Variants in QRSL1 observed in about 807,000 individuals in gnomAD.
QRSL1 encodes glutaminyl-tRNA amidotransferase subunit QRSL1.
QRSL1 carries 54 observed loss-of-function variants against 61.6 expected under a neutral mutation model. The observed-to-expected ratio is 0.88, with a 90% CI of 0.70 to 1.10. The LOEUF is 1.10. Among genes scored for constraint, QRSL1 ranks in the 50% least tolerant of loss-of-function variants. The probability of loss-of-function intolerance (pLI) is 0.00; values close to 1 mark genes in which losing one functional copy is unlikely to be tolerated. For missense variants in QRSL1, 505 were observed against 622.6 expected (o/e 0.81, Z 2.01); for synonymous variants, 228 against 225.7 (o/e 1.01, Z -0.09).
At chr6:106,653,246 T>A (rs984435724) in intron 7 of QRSL1, 1 of 154,456 alleles carries the variant, frequency 6.5e-6, no homozygotes, top group African/African-American at 2.4e-5. Context: ...GAAGATAAGT[T>A]ACCCTGCAGA....
intron 4 of QRSL1, among the ~76,000 whole-genome samples, chr6:106,646,490 C>G (rs961307330): frequency 6.6e-6 from 1 of 151,956 alleles, no homozygotes; most frequent in Non-Finnish European, 1.5e-5. Flanking sequence ...AACCTAACAT[C>G]ATAAAACTCA....
Position 106,668,354 on chromosome 6 carries a change from A to G in QRSL1, c.*2352A>G, listed in dbSNP as rs1192821583. On this transcript the variant is annotated 3_prime_UTR_variant, in exon 11 of 11. Transcript: ENST00000369046. ...TCATTTTGCCAAGTCACTGTCTGGG[A>G]ATTTAAGTGGCAAATACTTTCTTTG... 6.6e-6 allele frequency: 1 copy of G among 151,832 alleles called. No individual in the cohort carries two copies. The highest frequency in any genetic ancestry group is 1.5e-5 in the Non-Finnish European group (1 of 67,986). The allele number at this position is 151,832 out of a possible 1,614,324, so 9.4% of individuals were successfully genotyped here.
chr6:106,644,499 TTTTG>T (rs146221165), intron 4 of QRSL1, among the ~76,000 whole-genome samples: 14,963 of 152,076 alleles, frequency 0.098, 1,009 homozygotes, highest in African/African-American at 0.19. Context: ...AAGAAATCTT[TTTTG>T]TTTGTTTGTT....
chr6:106,644,797 A>T (rs1777082584), intron 4 of QRSL1, among the ~76,000 whole-genome samples: 1 of 152,122 alleles, frequency 6.6e-6, no homozygotes, highest in South Asian at 2.1e-4. Context: ...GGGATCATAG[A>T]CGTGAGCCAT....
Position 106,665,912 on chromosome 6 carries a change from G to A in QRSL1, c.1497G>A (p.Gln499=), listed in dbSNP as rs1288165359. 10 of 1,613,874 alleles carry A rather than the reference G, an allele frequency of 6.2e-6. No individual in the cohort carries two copies. Among genetic ancestry groups the A allele is most frequent in the East Asian group, 2.2e-5 (1 of 44,906 alleles). ...CCAAATGGTTTGAAAAACAAGTACA[G>A]TTTCCTGTTATTCAACTTCAAGAAC... ...TVAKWFEKQV[Q]FPVIQLQELM... is the part of the protein sequence containing the mutation. The change falls in exon 11 of 11, where the codon CAG becomes CAA. Residue 499 remains glutamine (Q), a synonymous_variant. Transcript: ENST00000369046.
chr6:106,656,892 A>G (rs1777280150), intron 9 of QRSL1, among the ~76,000 whole-genome samples: 1 of 152,162 alleles, frequency 6.6e-6, no homozygotes, highest in Non-Finnish European at 1.5e-5. Flanking sequence ...CCTGGGTTCG[A>G]GCAATCCACC....
rs2114704582 is a variant in QRSL1 at position 106,643,065 on chromosome 6, A to G, written c.355A>G (p.Thr119Ala). Residue 119 changes from threonine (T) to alanine (A), a missense_variant, in exon 4 of 11, where the codon ACA (threonine) becomes GCA (alanine). Coordinates refer to ENST00000369046, the MANE Select transcript of QRSL1 (RefSeq NM_018292.5). ...TCAGGGAGCTCTACTAATGGGAAAA[A>G]CAAATTTAGATGAGTTTGCTATGGG... The part of the protein sequence containing the change: ...LDQGALLMGK[T>A]NLDEFAMGSG... 2.5e-6 allele frequency: 4 copies of G among 1,610,804 alleles called. No homozygotes were observed. The highest frequency in any genetic ancestry group is 1.3e-5 in the African/African-American group (1 of 74,946).
intron 3 of QRSL1, 95 bp downstream of exon 3, chr6:106,641,016 TATATCTTTGAAGGAA>T: frequency 1.3e-6 from 1 of 798,364 alleles, no homozygotes; most frequent in African/African-American, 1.8e-5. Flanking sequence ...TCAGACTAAT[TATATCTTTGAAGGAA>T]ATATTTAGAA....
Position 106,662,927 on chromosome 6 carries a change from T to G in QRSL1, c.1161-53T>G. ...TCAAGCCTAATGTAAGATAATTGAT[T>G]AAAAGAAAAATACAAAAAATCCTTA... On this transcript the variant is annotated intron_variant, in intron 9 of 10. Transcript: ENST00000369046. 5.6e-6 allele frequency: 8 copies of G among 1,416,556 alleles called. 1 individual carries two copies. Among genetic ancestry groups the G allele is most frequent in the Non-Finnish European group, 7.9e-6 (8 of 1,008,664 alleles). 87.7% of individuals were successfully genotyped at this position (1,416,556 alleles called of 1,614,324 possible). A position where few individuals can be genotyped will look rare whatever the true frequency, so the allele number is the denominator to read the frequency against.
intron 3 of QRSL1, among the ~76,000 whole-genome samples, chr6:106,641,984 A>G (rs921253245): frequency 2.6e-5 from 4 of 152,240 alleles, no homozygotes; most frequent in Non-Finnish European, 5.9e-5. Context: ...GATTATTTAA[A>G]TTAGGAATAA....
chr6:106,637,785 T>G (rs1436563827), intron 1 of QRSL1, among the ~76,000 whole-genome samples: 1 of 152,184 alleles, frequency 6.6e-6, no homozygotes, highest in Admixed American at 6.5e-5. Flanking sequence ...TGCAGTTTTG[T>G]CCTGGGGAAC....
Position 106,667,690 on chromosome 6 carries a change from C to T in QRSL1, c.*1688C>T, listed in dbSNP as rs186551031. The T allele has an allele frequency of 1.3e-5, 2 of 152,208 alleles. No individual in the cohort carries two copies. The highest frequency in any genetic ancestry group is 3.9e-4 in the East Asian group (2 of 5,186). The allele number at this position is 152,208 out of a possible 1,614,324, so 9.4% of individuals were successfully genotyped here. A position where few individuals can be genotyped will look rare whatever the true frequency, so the allele number is the denominator to read the frequency against. ...GATCCTCCCGCTCCCAAATACTCAACCTGATTAACTTCACATAAAAGTCTT... is the reference window on the plus strand; with the variant it reads ...GATCCTCCCGCTCCCAAATACTCAATCTGATTAACTTCACATAAAAGTCTT... On this transcript the variant is annotated 3_prime_UTR_variant, in exon 11 of 11. Coordinates refer to ENST00000369046, the MANE Select transcript of QRSL1 (RefSeq NM_018292.5).
chr6:106,649,329 T>C (rs1225165076), intron 5 of QRSL1, 128 bp downstream of exon 5: 1 of 846,488 alleles, frequency 1.2e-6, no homozygotes, highest in Non-Finnish European at 1.8e-6. Context: ...TGCTCAAAGG[T>C]ATATCAAAAT....
At chr6:106,637,059 G>A (rs2114699620) in intron 1 of QRSL1, among the ~76,000 whole-genome samples, 1 of 152,332 alleles carries the variant, frequency 6.6e-6, no homozygotes, top group African/African-American at 2.4e-5. Context: ...CAGTTGCACT[G>A]CAAGGTGTTG....
intron 5 of QRSL1, among the ~76,000 whole-genome samples, chr6:106,650,530 TGA>T (rs1191801912): frequency 1.8e-3 from 4 of 2,202 alleles, no homozygotes; most frequent in South Asian, 4.5e-3. Context: ...TCCTTATTTT[TGA>T]TTTGTTTACC....
At chr6:106,645,125 A>ATAG (rs1205994850) in intron 4 of QRSL1, among the ~76,000 whole-genome samples, 3 of 152,124 alleles carry the variant, frequency 2.0e-5, no homozygotes, top group Non-Finnish European at 4.4e-5. Context: ...TTATAGCTTT[A>ATAG]TAGTAAGCCT....
chr6:106,644,164 G>A (rs554495704), intron 4 of QRSL1, among the ~76,000 whole-genome samples: 6 of 152,112 alleles, frequency 3.9e-5, no homozygotes, highest in Non-Finnish European at 7.4e-5. Context: ...GTGCCACCAC[G>A]CCCGGCCTTC....
intron 1 of QRSL1, among the ~76,000 whole-genome samples, chr6:106,633,078 TG>T (rs1310433039): frequency 6.6e-6 from 1 of 152,212 alleles, no homozygotes; most frequent in South Asian, 2.1e-4. Flanking sequence ...TTTTGCCGCA[TG>T]GGGGGAGAAA....
chr6:106,640,944 A>G (rs1287919010), intron 3 of QRSL1, 23 bp downstream of exon 3: 7 of 1,534,866 alleles, frequency 4.6e-6, no homozygotes, highest in Middle Eastern at 1.7e-4. Context: ...TGATCAGAGC[A>G]TTGATAATTT....
Sources: gnomAD v4.1 joint callset for allele counts (sites outside exome capture counted in the v4.1 genomes callset) on GRCh38, gnomAD v4.1.1 for gene constraint, MANE v1.5 for transcripts, NCBI Gene and HGNC (gene_info 2026-07-23, HGNC 2026-07-21) for gene names.